The following TTC34 variants were observed in gnomAD, a reference collection of about 807,000 sequenced individuals.
The protein encoded by TTC34 is tetratricopeptide repeat protein 34.
TTC34 carries 44 observed loss-of-function variants against 40.7 expected under a neutral mutation model. The observed-to-expected ratio is 1.08, with a 90% CI of 0.85 to 1.39. The LOEUF is 1.39. Ranked by LOEUF, TTC34 falls within the 40% of genes most tolerant of loss-of-function variation. The probability of loss-of-function intolerance (pLI) is 0.00; values close to 1 mark genes in which losing one functional copy is unlikely to be tolerated. For missense variants in TTC34, 884 were observed against 838.0 expected (o/e 1.05, Z -0.68); for synonymous variants, 422 against 398.6 (o/e 1.06, Z -0.70).
At chr1:2,687,801 C>T (rs376497517) in intron 6 of TTC34, among the ~76,000 whole-genome samples, 2 of 150,126 alleles carry the variant, frequency 1.3e-5, no homozygotes, top group South Asian at 2.1e-4. Context: ...GGGTCGGCAC[C>T]CACACCTCCA....
chr1:2,789,354 C>T (rs911314404), intron 3 of TTC34, 149 bp downstream of exon 3: 8 of 698,462 alleles, frequency 1.1e-5, no homozygotes, highest in Admixed American at 7.6e-5. Context: ...ATGGAAGCAG[C>T]GGAGCTAGAC....
At chr1:2,779,111 A>G (rs1287688129) in intron 6 of TTC34, among the ~76,000 whole-genome samples, 1 of 152,036 alleles carries the variant, frequency 6.6e-6, no homozygotes, top group Non-Finnish European at 1.5e-5. Flanking sequence ...CTTCCTTTTT[A>G]ATGTTGAATA....
chr1:2,675,075 C>T (rs1639849676), intron 6 of TTC34, among the ~76,000 whole-genome samples: 1 of 128,436 alleles, frequency 7.8e-6, no homozygotes, highest in Admixed American at 7.9e-5. Flanking sequence ...GGAGCAGTGC[C>T]CACACACCCA....
At chr1:2,692,186 G>C (rs113700040) in intron 6 of TTC34, among the ~76,000 whole-genome samples, 22 of 13,114 alleles carry the variant, frequency 1.7e-3, no homozygotes, top group East Asian at 8.4e-3. Flanking sequence ...CACACACACC[G>C]CCAGGTGAGC....
At chr1:2,655,580 T>A (rs1482867470) in intron 6 of TTC34, among the ~76,000 whole-genome samples, 12 of 134,004 alleles carry the variant, frequency 9.0e-5, no homozygotes. Context: ...CAACCCCAGG[T>A]TAGCATCTGA....
chr1:2,792,152 C>T (rs546441980), intron 2 of TTC34, among the ~76,000 whole-genome samples: 1 of 151,418 alleles, frequency 6.6e-6, no homozygotes, highest in Non-Finnish European at 1.5e-5. Context: ...GCATGCACCA[C>T]CATACCCAGC....
rs544152394 is a variant in TTC34, at chr1:2,673,395, C to A, written c.2227-27832G>T. On this transcript the variant is annotated intron_variant, in intron 6 of 8. Coordinates refer to ENST00000401095, the Ensembl canonical transcript of TTC34. ...CTGAGGGCCTGGGTCGGCACCCACA[C>A]CCCCAGGTGAGCATCTGATGGTTTG... 2.1e-4 allele frequency among the ~76,000 whole-genome samples: 16 copies of A among 78,026 alleles called. No individual in the cohort carries two copies. In the South Asian group the frequency reaches 4.3e-3, roughly 21 times the overall value. 51.2% of individuals were successfully genotyped at this position (78,026 alleles called of 152,430 possible).
Position 2,750,342 on chromosome 1 carries a change from C to A in TTC34, c.2226+33267G>T, listed in dbSNP as rs1357445000. Among the ~76,000 whole-genome samples, 71 of 79,150 alleles carry A rather than the reference C, an allele frequency of 9.0e-4. 21 individuals carry two copies. The highest frequency in any genetic ancestry group is 1.4e-3 in the South Asian group (3 of 2,132). 51.9% of individuals were successfully genotyped at this position (79,150 alleles called of 152,430 possible). A position where few individuals can be genotyped will look rare whatever the true frequency, so the allele number is the denominator to read the frequency against. On this transcript the variant is annotated intron_variant, in intron 6 of 8. Coordinates refer to ENST00000401095, the Ensembl canonical transcript of TTC34. ...CCCCCATGCCCAGGTGAGCCTCTGA[C>A]AGCCTTGAACAGCACCCTGCACCCC...
chr1:2,786,046 G>A, intron 4 of TTC34, 23 bp from the exon 5 acceptor site: 1 of 1,444,348 alleles, frequency 6.9e-7, no homozygotes, highest in Non-Finnish European at 9.2e-7. Context: ...CACAGTCACT[G>A]CCCATGCCCT....
At chr1:2,759,868 T>TGCACCCCCAGGTG (rs1641636432) in intron 6 of TTC34, among the ~76,000 whole-genome samples, 1,395 of 63,698 alleles carry the variant, frequency 0.022, no homozygotes, top group Admixed American at 0.028. Context: ...CAGCCTGGAG[T>TGCACCCCCAGGTG]AGTATCCTGC....
intron 6 of TTC34, among the ~76,000 whole-genome samples, chr1:2,752,491 C>A (rs1641355253): frequency 6.4e-5 from 9 of 141,604 alleles, no homozygotes; most frequent in Non-Finnish European, 3.1e-5. Context: ...AGCACCCACA[C>A]AGCCAGGTGA....
At chr1:2,784,936 C>A (rs573999933) in intron 5 of TTC34, among the ~76,000 whole-genome samples, 1 of 141,956 alleles carries the variant, frequency 7.0e-6, no homozygotes. Context: ...TGTTCTGTGA[C>A]GGACATGGGA....
chr1:2,683,252 T>C (rs1220614619), intron 6 of TTC34, among the ~76,000 whole-genome samples: 9 of 111,432 alleles, frequency 8.1e-5, no homozygotes, highest in Admixed American at 9.5e-5. Flanking sequence ...CATCTGATGG[T>C]TTGCAGCAGC....
At chr1:2,782,886 G>A (rs1471232851) in intron 6 of TTC34, among the ~76,000 whole-genome samples, 1 of 152,190 alleles carries the variant, frequency 6.6e-6, no homozygotes, top group Non-Finnish European at 1.5e-5. Flanking sequence ...CCTGGGCTGA[G>A]CACACAGGTC....
At chr1:2,797,644 C>T (rs759829688) in intron 2 of TTC34, among the ~76,000 whole-genome samples, 4 of 152,088 alleles carry the variant, frequency 2.6e-5, no homozygotes, top group East Asian at 3.9e-4. Flanking sequence ...GACGCAGCCT[C>T]GTCTCAGGCA....
intron 2 of TTC34, among the ~76,000 whole-genome samples, chr1:2,793,618 C>T (rs545654056): frequency 6.6e-6 from 1 of 152,230 alleles, no homozygotes; most frequent in South Asian, 2.1e-4. Flanking sequence ...CAATTTCCAC[C>T]TGGGATTCGC....
chr1:2,764,126 G>A (rs1187811897), intron 6 of TTC34, among the ~76,000 whole-genome samples: 1 of 144,636 alleles, frequency 6.9e-6, no homozygotes, highest in Non-Finnish European at 1.5e-5. Flanking sequence ...TGACAGCCTG[G>A]AACAGAACCC....
At chr1:2,753,170 C>G (rs1291332530) in intron 6 of TTC34, among the ~76,000 whole-genome samples, 6 of 122,424 alleles carry the variant, frequency 4.9e-5, no homozygotes, top group South Asian at 2.8e-4. Flanking sequence ...GAACAGCACC[C>G]ACACCCCCAG....
At chr1:2,688,731 C>A (rs566432761) in intron 6 of TTC34, among the ~76,000 whole-genome samples, 3 of 125,010 alleles carry the variant, frequency 2.4e-5, no homozygotes, top group South Asian at 2.5e-4. Flanking sequence ...AGCGGGCACA[C>A]CCCCAGGTGA....
Sources: gnomAD v4.1 joint callset for allele counts (sites outside exome capture counted in the v4.1 genomes callset) on GRCh38, gnomAD v4.1.1 for gene constraint, MANE v1.5 for transcripts, NCBI Gene and HGNC (gene_info 2026-07-23, HGNC 2026-07-21) for gene names.